ITPR2: variants seen among roughly 807,000 people sequenced by gnomAD.
The protein encoded by ITPR2 is inositol 1,4,5-trisphosphate-gated calcium channel ITPR2.
In ITPR2, 207 loss-of-function variants were observed where a neutral mutation model predicts 317.1. That is an observed-to-expected ratio of 0.65 (90% CI 0.58 to 0.73). ITPR2 has a LOEUF of 0.73. Among genes scored for constraint, ITPR2 ranks in the 30% least tolerant of loss-of-function variants. The pLI, the probability that ITPR2 is intolerant of heterozygous loss-of-function variation, is 0.00. For synonymous variants in ITPR2, 1,156 were observed against 1,149.1 expected (o/e 1.01, Z -0.12); for missense variants, 2,613 against 3,284.0 (o/e 0.80, Z 4.99).
At chr12:26,665,683 C>T (rs760090887) in intron 14 of ITPR2, among the ~76,000 whole-genome samples, 2 of 152,158 alleles carry the variant, frequency 1.3e-5, no homozygotes, top group Non-Finnish European at 2.9e-5. Context: ...GCAGCCCCAG[C>T]AAACACCTTG....
intron 36 of ITPR2, among the ~76,000 whole-genome samples, chr12:26,551,255 C>T (rs1324914673): frequency 1.3e-5 from 2 of 152,096 alleles, no homozygotes; most frequent in East Asian, 3.8e-4. Flanking sequence ...CTACCAAGTG[C>T]TTATCAGGTG....
At chr12:26,678,954 G>A (rs1205276861) in intron 13 of ITPR2, among the ~76,000 whole-genome samples, 1 of 152,144 alleles carries the variant, frequency 6.6e-6, no homozygotes, top group East Asian at 1.9e-4. Context: ...GCTTAGCAAG[G>A]GAGACTTTTT....
In ITPR2 at chr12:26,523,535, T is replaced by TAA. The variant is rs533240815; in HGVS notation, c.5073+26711_5073+26712insTT. On this transcript the variant is annotated intron_variant, in intron 37 of 56. Transcript: ENST00000381340. ...CAATGGCAAAATCTTTTTTTTTTTTTTAAAAAGCCTACTGCTAACTGTCTG... is the reference window on the plus strand; with the variant it reads ...CAATGGCAAAATCTTTTTTTTTTTTTAATAAAAAGCCTACTGCTAACTGTCTG... Among the ~76,000 whole-genome samples, 1,101 of 149,782 alleles carry TAA rather than the reference T, an allele frequency of 7.4e-3. 6 individuals carry two copies. The highest frequency in any genetic ancestry group is 0.012 in the Non-Finnish European group (838 of 67,380).
At chr12:26,562,791 T>A (rs1242218008) in intron 34 of ITPR2, among the ~76,000 whole-genome samples, 1 of 151,440 alleles carries the variant, frequency 6.6e-6, no homozygotes, top group Non-Finnish European at 1.5e-5. Flanking sequence ...GGGGGAGGGA[T>A]AGCATTAGGA....
At chr12:26,357,845 C>T (rs2136571221) in intron 55 of ITPR2, among the ~76,000 whole-genome samples, 1 of 152,358 alleles carries the variant, frequency 6.6e-6, no homozygotes, top group Middle Eastern at 3.4e-3. Flanking sequence ...AGCTGCTGCC[C>T]ATGGCCAGAG....
intron 2 of ITPR2, among the ~76,000 whole-genome samples, chr12:26,775,513 G>C (rs1949944607): frequency 6.6e-6 from 1 of 152,116 alleles, no homozygotes. Flanking sequence ...AGCAGGAGGA[G>C]AGTCAGGGAC....
chr12:26,509,131 A>G (rs185992088), intron 37 of ITPR2, among the ~76,000 whole-genome samples: 1 of 152,388 alleles, frequency 6.6e-6, no homozygotes, highest in East Asian at 1.9e-4. Context: ...GAAGGGAGGC[A>G]GTCACAAAAG....
At chr12:26,445,383 T>C (rs1941584679) in intron 45 of ITPR2, among the ~76,000 whole-genome samples, 1 of 152,060 alleles carries the variant, frequency 6.6e-6, no homozygotes, top group Non-Finnish European at 1.5e-5. Flanking sequence ...GACTGATATT[T>C]AAAATCATGA....
rs1449407441 is a variant in ITPR2, at chr12:26,702,409, G to GT, written c.952-6760_952-6759insA. On this transcript the variant is annotated intron_variant, in intron 9 of 56. Coordinates refer to ENST00000381340, the MANE Select transcript of ITPR2 (RefSeq NM_002223.4). ...TGGTTTGGTTTTTGGGGGCGGGGGT[G>GT]GGGGGTTGGTGTTTTTTTTTTCTTT... Among the ~76,000 whole-genome samples, 64 of 67,082 alleles carry GT rather than the reference G, an allele frequency of 9.5e-4. 1 individual carries two copies. The East Asian group carries it at 0.018, about 19-fold the overall frequency. The allele number at this position is 67,082 out of a possible 152,430, so 44.0% of individuals were successfully genotyped here. A position where few individuals can be genotyped will look rare whatever the true frequency, so the allele number is the denominator to read the frequency against.
intron 26 of ITPR2, among the ~76,000 whole-genome samples, chr12:26,612,404 G>A (rs1033910274): frequency 6.6e-6 from 1 of 152,168 alleles, no homozygotes; most frequent in Non-Finnish European, 1.5e-5. Flanking sequence ...AGTATTGTTC[G>A]TATTGGCCTG....
At chr12:26,665,640 C>A (rs569075675) in intron 14 of ITPR2, among the ~76,000 whole-genome samples, 1 of 152,296 alleles carries the variant, frequency 6.6e-6, no homozygotes, top group Admixed American at 6.5e-5. Flanking sequence ...GGCTGGAAGG[C>A]AAGTCCTCTC....
intron 52 of ITPR2, among the ~76,000 whole-genome samples, chr12:26,404,443 A>G (rs528091454): frequency 2.8e-4 from 43 of 152,240 alleles, no homozygotes; most frequent in Non-Finnish European, 2.8e-4. Context: ...GGATACTGTG[A>G]TCCAAATTAA....
Position 26,339,219 on chromosome 12 carries a change from G to A in ITPR2, c.*178C>T, listed in dbSNP as rs11048472. On this transcript the variant is annotated 3_prime_UTR_variant, in exon 57 of 57. Coordinates refer to ENST00000381340, the MANE Select transcript of ITPR2 (RefSeq NM_002223.4). ...CAGATGCATTTGAGGTTAGGTCTTC[G>A]CAACCATGAAAACACAGTTATAAAT... 37 of 583,770 alleles carry A rather than the reference G, an allele frequency of 6.3e-5. No individual in the cohort carries two copies. The highest frequency in any genetic ancestry group is 5.2e-4 in the South Asian group (24 of 46,380). The allele number at this position is 583,770 out of a possible 1,614,324, so 36.2% of individuals were successfully genotyped here.
At position 26,487,233 on chromosome 12, in the gene ITPR2, A is replaced by C. The variant is rs1459342041; in HGVS notation, c.5389T>G (p.Leu1797Val). ...TQTQYSFYQQ[L>V]HEQKKSEKFF... The stretch of plus-strand genomic sequence containing the variant: ...TTTTCTGACTTTTTTTGTTCATGCA[A>C]CTGCTGGTAGAAAGAATACTGCAAG... Residue 1797 changes from leucine (L) to valine (V), a missense_variant, in exon 40 of 57, where the codon TTG (leucine) becomes GTG (valine). Physicochemically the swap from Leu to Val is conservative, Grantham distance 32. Transcript: ENST00000381340. 5 of 1,600,264 alleles carry C rather than the reference A, an allele frequency of 3.1e-6. No homozygotes were observed. Among genetic ancestry groups the C allele is most frequent in the Non-Finnish European group, 4.3e-6 (5 of 1,175,932 alleles).
At position 26,655,848 on chromosome 12, in the gene ITPR2, C is replaced by T. The variant is rs1222817368; in HGVS notation, c.2449G>A (p.Asp817Asn). 8 of 1,606,502 alleles carry T rather than the reference C, an allele frequency of 5.0e-6. No homozygotes were observed. Among genetic ancestry groups the T allele is most frequent in the Non-Finnish European group, 6.8e-6 (8 of 1,177,224 alleles). ...TTTCTGGAAGAGTCTGTTATAGAAT[C>T]ATATCTGGAAATAGAGAAAGAAGAT... ...IPTKITIHEY[D>N]SITDSSRNDM... Residue 817 changes from aspartate to asparagine, a missense_variant, in exon 20 of 57, where the codon GAT (aspartate) becomes AAT (asparagine). By Grantham distance (23) the Asp-to-Asn change is conservative (BLOSUM62 1). This residue lies in a region of ITPR2 where 817 missense variants were observed against 897.6 expected (regional missense o/e 0.91). Coordinates refer to ENST00000381340, the MANE Select transcript of ITPR2 (RefSeq NM_002223.4).
At chr12:26,519,908 T>C (rs567186495) in intron 37 of ITPR2, among the ~76,000 whole-genome samples, 3 of 152,330 alleles carry the variant, frequency 2.0e-5, no homozygotes, top group East Asian at 1.9e-4. Flanking sequence ...ATAAGTGATA[T>C]GACAGAAACA....
At chr12:26,389,693 C>A (rs1320536264) in intron 54 of ITPR2, among the ~76,000 whole-genome samples, 1 of 152,176 alleles carries the variant, frequency 6.6e-6, no homozygotes, top group African/African-American at 2.4e-5. Flanking sequence ...TTCTTGATCA[C>A]CTTTTCCCTT....
chr12:26,416,676 C>G (rs752364693), intron 50 of ITPR2, among the ~76,000 whole-genome samples: 21 of 152,164 alleles, frequency 1.4e-4, no homozygotes, highest in Non-Finnish European at 2.9e-4. Context: ...ATTTTGCAAT[C>G]TATTTACCTC....
At chr12:26,652,957 C>A (rs1210409033) in intron 21 of ITPR2, among the ~76,000 whole-genome samples, 5 of 152,228 alleles carry the variant, frequency 3.3e-5, no homozygotes. Context: ...ACTTATGAGA[C>A]AGGCACTGTT....
Sources: gnomAD v4.1 joint callset for allele counts (sites outside exome capture counted in the v4.1 genomes callset) on GRCh38, gnomAD v4.1.1 for gene constraint, gnomAD v4.1.1 regional missense constraint, MANE v1.5 for transcripts, NCBI Gene and HGNC (gene_info 2026-07-23, HGNC 2026-07-21) for gene names.